Variants in TRIM66 observed in about 807,000 individuals in gnomAD.
TRIM66 encodes tripartite motif-containing protein 66.
A neutral mutation model predicts 148.2 loss-of-function variants in TRIM66; 99 were observed. That is an observed-to-expected ratio of 0.67 (90% confidence interval 0.57 to 0.79). The LOEUF is 0.79. Ranked by LOEUF, TRIM66 falls within the 30% of genes least tolerant of loss-of-function variation. The pLI, the probability that TRIM66 is intolerant of heterozygous loss-of-function variation, is 0.00. For synonymous variants in TRIM66, 616 were observed against 635.9 expected, an observed-to-expected ratio of 0.97 and a Z score of 0.47; for missense variants, 1,666 against 1,697.9, an observed-to-expected ratio of 0.98 and a Z score of 0.33.
chr11:8,676,774 A>T (rs1223801549), intron 3 of TRIM66, among the ~76,000 whole-genome samples: 1 of 152,116 alleles, frequency 6.6e-6, no homozygotes, highest in Non-Finnish European at 1.5e-5. Context: ...CCCCTGACCT[A>T]GAAGAGTGTA....
Position 8,682,640 on chromosome 11 carries a change from G to T in TRIM66, c.-587C>A, listed in dbSNP as rs986985401. ...GCCACCAGGACACTCCGTGATGGGGGATCACCACCCTCAGAAAGAGGAAGC... is the reference window on the plus strand; with the variant it reads ...GCCACCAGGACACTCCGTGATGGGGTATCACCACCCTCAGAAAGAGGAAGC... On this transcript the variant is annotated 5_prime_UTR_variant, in exon 1 of 25. Transcript: ENST00000646038. 4.1e-6 allele frequency: 3 copies of T among 723,690 alleles called. No individual in the cohort carries two copies. The highest frequency in any genetic ancestry group is 2.6e-5 in the East Asian group (1 of 38,424). The allele number at this position is 723,690 out of a possible 1,614,324, so 44.8% of individuals were successfully genotyped here.
At chr11:8,656,965 A>G (rs2037880041) in intron 6 of TRIM66, among the ~76,000 whole-genome samples, 1 of 152,212 alleles carries the variant, frequency 6.6e-6, no homozygotes, top group African/African-American at 2.4e-5. Context: ...GCTCAACTGC[A>G]GGACCCATGA....
chr11:8,643,046 C>T lies in TRIM66; in HGVS notation c.1185G>A (p.Trp395Ter), dbSNP rs926446495. 1 of 1,551,206 alleles carries T rather than the reference C, an allele frequency of 6.4e-7. No homozygotes were observed. Among genetic ancestry groups the T allele is most frequent in the South Asian group, 1.2e-5 (1 of 83,970 alleles). ...GCTGCTTGGTCCAGAAGTTAGGCTC[C>T]CAGGTGAATCTGATACTCCAAGGGG... ...PGSPWSIRFT[W>*]EPNFWTKQLA... Residue 395 changes from tryptophan (W) to a stop codon, truncating the protein, a stop_gained, in exon 13 of 25, where the codon TGG becomes TGA. Transcript: ENST00000646038. LOFTEE classifies it high-confidence loss of function.
chr11:8,618,877 T>C lies in TRIM66; in HGVS notation c.3992A>G (p.Gln1331Arg), dbSNP rs1306543157. ...GGAGTCTGAGTCCTCCTGCCTTGGC[T>C]GGGCAAACCGTTTCTCCGGGTAGAT... ...KEIYPEKRFA[Q>R]PRQEDSDSEE... The change falls in exon 24 of 25, where the codon CAG (glutamine) becomes CGG (arginine). Residue 1331 changes from glutamine (Q) to arginine (R), a missense_variant. Physicochemically the swap from Gln to Arg is conservative, Grantham distance 43. Coordinates refer to ENST00000646038, the MANE Select transcript of TRIM66 (RefSeq NM_001388022.1). The C allele has an allele frequency of 7.7e-6, 12 of 1,551,456 alleles. No homozygotes were observed. The East Asian group carries it at 1.7e-4, about 22-fold the overall frequency.
intron 24 of TRIM66, among the ~76,000 whole-genome samples, chr11:8,618,522 C>T (rs1209367115): frequency 3.3e-5 from 5 of 152,128 alleles, no homozygotes; most frequent in African/African-American, 1.2e-4. Context: ...CTGGGTTACC[C>T]TGGGCAGGGA....
At chr11:8,622,920 C>G (rs1356215390) in intron 17 of TRIM66, 44 bp from the exon 18 acceptor site, 1 of 1,505,756 alleles carries the variant, frequency 6.6e-7, no homozygotes, top group Non-Finnish European at 9.0e-7. Flanking sequence ...ACATTTGTGG[C>G]AACAAACCCC....
chr11:8,619,330 A>C, intron 23 of TRIM66, 53 bp downstream of exon 23: 4 of 1,064,404 alleles, frequency 3.8e-6, no homozygotes, highest in Non-Finnish European at 5.3e-6. Flanking sequence ...CCCACCCATG[A>C]CAGTCCTGGG....
At chr11:8,661,319 ACCT>A (rs2038238357) in intron 6 of TRIM66, among the ~76,000 whole-genome samples, 1 of 152,182 alleles carries the variant, frequency 6.6e-6, no homozygotes, top group Admixed American at 6.5e-5. Context: ...CCTAGGAACC[ACCT>A]GGCTGTGAAA....
chr11:8,669,375 G>A (rs2038793241), intron 6 of TRIM66, among the ~76,000 whole-genome samples: 1 of 152,178 alleles, frequency 6.6e-6, no homozygotes, highest in Non-Finnish European at 1.5e-5. Context: ...CAGGTGCAGT[G>A]GCTCACGCCT....
intron 6 of TRIM66, chr11:8,658,717 T>C (rs2038043109): frequency 2.1e-6 from 2 of 967,092 alleles, no homozygotes; most frequent in Non-Finnish European, 2.5e-6. Context: ...AGCACGCAGA[T>C]GCCAGGCACA....
Position 8,640,953 on chromosome 11 carries a change from C to T in TRIM66, c.1422G>A (p.Ser474=), listed in dbSNP as rs1485091657. ...GGGGGACCTGGCCTTTGAGGGAAGGCGAGACTGGGGAGCAGTGGGAGCAGC... is the reference window on the plus strand; with the variant it reads ...GGGGGACCTGGCCTTTGAGGGAAGGTGAGACTGGGGAGCAGTGGGAGCAGC... ...SVCCSHCSPV[S]PSLKGQVPPP... Residue 474 remains serine (S), a synonymous_variant, in exon 14 of 25, where the codon TCG becomes TCA. Transcript: ENST00000646038. 21 of 1,550,916 alleles carry T rather than the reference C, an allele frequency of 1.4e-5. No homozygotes were observed. Among genetic ancestry groups the T allele is most frequent in the South Asian group, 3.6e-5 (3 of 84,000 alleles).
chr11:8,631,276 C>A (rs993814039), intron 15 of TRIM66, among the ~76,000 whole-genome samples: 3 of 152,110 alleles, frequency 2.0e-5, no homozygotes, highest in Non-Finnish European at 2.9e-5. Flanking sequence ...AGTGCACATG[C>A]CCTGAGTTTA....
rs2034622843 is a variant in TRIM66 at position 8,624,527 on chromosome 11, A to C, written c.2851T>G (p.Phe951Val). 1.3e-6 allele frequency: 2 copies of C among 1,531,932 alleles called. No homozygotes were observed. Among genetic ancestry groups the C allele is most frequent in the African/African-American group, 2.8e-5 (2 of 71,726 alleles). The allele number at this position is 1,531,932 out of a possible 1,614,324, so 94.9% of individuals were successfully genotyped here. ...GGACCTTGTCCCAGTAAGTCAGTGA[A>C]GCGAGTGGAATCCTCACTTTCCATC... ...CKMESEDSTR[F>V]TDLLGQGPIV... The change falls in exon 17 of 25, where the codon TTC becomes GTC. Residue 951 changes from phenylalanine (F) to valine (V), a missense_variant. Physicochemically the swap from Phe to Val is conservative, Grantham distance 50. This residue lies in a region of TRIM66 where 1,431 missense variants were observed against 1,412.4 expected (regional missense o/e 1.01). Transcript: ENST00000646038.
chr11:8,647,026 TATATA>T (rs1368312299), intron 10 of TRIM66, among the ~76,000 whole-genome samples: 1 of 149,446 alleles, frequency 6.7e-6, no homozygotes. Context: ...AATAACATAT[TATATA>T]ATAAACATAT....
chr11:8,657,620 C>T (rs2037940722), intron 6 of TRIM66, among the ~76,000 whole-genome samples: 1 of 152,146 alleles, frequency 6.6e-6, no homozygotes, highest in Non-Finnish European at 1.5e-5. Context: ...CGAGAAAAAA[C>T]ACTCTAGTTG....
Position 8,624,383 on chromosome 11 carries a change from G to A in TRIM66, c.2995C>T (p.Leu999=). The A allele has an allele frequency of 6.4e-7, 1 of 1,551,402 alleles. No individual in the cohort carries two copies. The highest frequency in any genetic ancestry group is 8.7e-7 in the Non-Finnish European group (1 of 1,146,918). The change falls in exon 17 of 25, where the codon CTG becomes TTG. Residue 999 remains leucine (L), a synonymous_variant. Transcript: ENST00000646038. ...CCTTTTGGGTTCTGGTACTGCTGCA[G>A]AGCTGTAGACGTGCTGACCACTGGC... The part of the protein sequence containing the change: ...LAPVVSTSTA[L]QQYQNPKECE...
At chr11:8,666,296 G>A (rs536541009) in intron 6 of TRIM66, among the ~76,000 whole-genome samples, 10 of 133,128 alleles carry the variant, frequency 7.5e-5, no homozygotes, top group Admixed American at 3.6e-4. Context: ...CCAAGATCGC[G>A]CCATTGCAAT....
intron 13 of TRIM66, among the ~76,000 whole-genome samples, chr11:8,642,297 A>G (rs904448226): frequency 2.0e-5 from 3 of 152,254 alleles, no homozygotes; most frequent in African/African-American, 7.2e-5. Flanking sequence ...GCTGAGTTAA[A>G]TCAAAGGAAA....
chr11:8,647,859 C>T lies in TRIM66; in HGVS notation c.842+111G>A, dbSNP rs2037002535. Reference sequence around the variant, plus strand: ...CTTCTAGGACATATGCCCACATCTGCTTAACCACAGTTCCTCTTCACAGGC... The same window carrying T: ...CTTCTAGGACATATGCCCACATCTGTTTAACCACAGTTCCTCTTCACAGGC... On this transcript the variant is annotated intron_variant, in intron 10 of 24. Transcript: ENST00000646038. The T allele has an allele frequency of 5.9e-6, 5 of 850,074 alleles. No individual in the cohort carries two copies. The Admixed American group carries it at 8.3e-5, about 14-fold the overall frequency. 52.7% of individuals were successfully genotyped at this position (850,074 alleles called of 1,614,324 possible). A position where few individuals can be genotyped will look rare whatever the true frequency, so the allele number is the denominator to read the frequency against.
Sources: gnomAD v4.1 joint callset for allele counts (sites outside exome capture counted in the v4.1 genomes callset) on GRCh38, gnomAD v4.1.1 for gene constraint, gnomAD v4.1.1 regional missense constraint, MANE v1.5 for transcripts, NCBI Gene and HGNC (gene_info 2026-07-23, HGNC 2026-07-21) for gene names.